The following ATP10B variants were observed in gnomAD, a reference collection of about 807,000 sequenced individuals.
ATP10B encodes the protein phospholipid-transporting ATPase VB.
Under a neutral mutation model 141.2 loss-of-function variants are expected in ATP10B, and 122 were observed. That is an observed-to-expected ratio of 0.86 (90% CI 0.75 to 1.00). The LOEUF is 1.00. Ranked by LOEUF, ATP10B falls within the 50% of genes least tolerant of loss-of-function variation. ATP10B has a pLI of 0.00. For missense variants in ATP10B, 1,876 were observed against 1,825.3 expected (o/e 1.03, Z -0.51); for synonymous variants, 685 against 692.0 (o/e 0.99, Z 0.16).
the ATP10B span, among the ~76,000 whole-genome samples, chr5:160,879,468 A>C: frequency 7.0e-6 from 1 of 142,234 alleles, no homozygotes; most frequent in African/African-American, 2.6e-5. Context: ...GCGCACCAGC[A>C]TGGCACATGT....
intron 25 of ATP10B, among the ~76,000 whole-genome samples, chr5:160,567,431 C>G (rs1187147967): frequency 2.0e-5 from 3 of 152,132 alleles, no homozygotes; most frequent in African/African-American, 7.2e-5. Context: ...CCATTTATAA[C>G]TATAGTCACA....
chr5:160,752,497 C>A (rs1282845736), intron 2 of ATP10B, among the ~76,000 whole-genome samples: 1 of 152,172 alleles, frequency 6.6e-6, no homozygotes, highest in African/African-American at 2.4e-5. Flanking sequence ...GCCTTATTAT[C>A]TGACTTCGAA....
upstream of ATP10B, among the ~76,000 whole-genome samples, chr5:160,853,642 T>C (rs1753907997): frequency 6.6e-6 from 1 of 152,166 alleles, no homozygotes; most frequent in Admixed American, 6.6e-5. Flanking sequence ...TGCTAACCAA[T>C]GAATAGAGAG....
chr5:160,697,597 AGGGTG>A (rs1390994765), intron 3 of ATP10B, among the ~76,000 whole-genome samples: 2 of 111,832 alleles, frequency 1.8e-5, no homozygotes, highest in Non-Finnish European at 3.5e-5. Context: ...AAATGTATGC[AGGGTG>A]GGGTGGGGTG....
chr5:160,895,691 A>G, the ATP10B span, among the ~76,000 whole-genome samples: 2 of 152,330 alleles, frequency 1.3e-5, no homozygotes, highest in South Asian at 4.1e-4. Context: ...CTCTGCACCA[A>G]GTGGACCTAA....
chr5:160,911,906 C>A, the ATP10B span, among the ~76,000 whole-genome samples: 1 of 152,136 alleles, frequency 6.6e-6, no homozygotes, highest in South Asian at 2.1e-4. Context: ...AGACCGGTGT[C>A]TGGCAAATAG....
the ATP10B span, among the ~76,000 whole-genome samples, chr5:160,886,104 A>G: frequency 2.0e-5 from 3 of 152,238 alleles, no homozygotes; most frequent in Admixed American, 1.3e-4. Context: ...ACTTTTAGCC[A>G]TCGGGGGAAT....
At chr5:160,590,803 T>A (rs1179404001) in intron 23 of ATP10B, among the ~76,000 whole-genome samples, 1 of 152,158 alleles carries the variant, frequency 6.6e-6, no homozygotes, top group Non-Finnish European at 1.5e-5. Context: ...CAAAGTCAAG[T>A]CCAGATTTTT....
intron 7 of ATP10B, among the ~76,000 whole-genome samples, chr5:160,664,826 C>A (rs772533083): frequency 1.3e-5 from 2 of 152,204 alleles, no homozygotes; most frequent in African/African-American, 4.8e-5. Flanking sequence ...GAAACACTAA[C>A]TGGAAGCATT....
chr5:160,831,154 T>C (rs1212385316), intron 1 of ATP10B, among the ~76,000 whole-genome samples: 1 of 152,080 alleles, frequency 6.6e-6, no homozygotes, highest in Non-Finnish European at 1.5e-5. Flanking sequence ...AAGTTCTTTA[T>C]TCATTCAATG....
chr5:160,772,043 C>T (rs1769942248), intron 2 of ATP10B, among the ~76,000 whole-genome samples: 1 of 152,250 alleles, frequency 6.6e-6, no homozygotes, highest in African/African-American at 2.4e-5. Flanking sequence ...ATTTAAGTTG[C>T]TTCCATAACT....
chr5:160,649,695 G>A (rs1760564761), intron 7 of ATP10B, among the ~76,000 whole-genome samples: 1 of 152,218 alleles, frequency 6.6e-6, no homozygotes, highest in Non-Finnish European at 1.5e-5. Context: ...ATAGCTACAT[G>A]TGGCTAGTGG....
chr5:160,888,713 T>TG, the ATP10B span, among the ~76,000 whole-genome samples: 1 of 152,116 alleles, frequency 6.6e-6, no homozygotes, highest in African/African-American at 2.4e-5. Flanking sequence ...CTGATTTTTA[T>TG]GTTTTCCATT....
chr5:160,766,520 C>T (rs911066561), intron 2 of ATP10B, among the ~76,000 whole-genome samples: 1 of 152,036 alleles, frequency 6.6e-6, no homozygotes, highest in African/African-American at 2.4e-5. Flanking sequence ...TATGTTCTCA[C>T]TTATAAGTGG....
intron 1 of ATP10B, among the ~76,000 whole-genome samples, chr5:160,788,439 GT>G (rs1284475876): frequency 6.6e-6 from 1 of 152,180 alleles, no homozygotes; most frequent in East Asian, 1.9e-4. Flanking sequence ...GTGTCTCTTT[GT>G]TTTGTATGAA....
At chr5:160,685,348 AG>A in intron 6 of ATP10B, 2 of 567,836 alleles carry the variant, frequency 3.5e-6, no homozygotes, top group Non-Finnish European at 6.2e-6. Context: ...TGCAAACCCC[AG>A]GGGAGAAACA....
chr5:160,897,078 C>T, the ATP10B span, among the ~76,000 whole-genome samples: 1 of 152,126 alleles, frequency 6.6e-6, no homozygotes, highest in African/African-American at 2.4e-5. Flanking sequence ...AAACCCACAG[C>T]CAATATTATA....
chr5:160,686,413 G>GA, intron 5 of ATP10B, 140 bp from the exon 6 acceptor site: 1 of 592,788 alleles, frequency 1.7e-6, no homozygotes, highest in East Asian at 2.9e-5. Flanking sequence ...TAATGGATTT[G>GA]AAGCCAAACC....
At chr5:160,730,696 T>C (rs1421127838) in intron 2 of ATP10B, among the ~76,000 whole-genome samples, 2 of 152,204 alleles carry the variant, frequency 1.3e-5, no homozygotes, top group Admixed American at 1.3e-4. Flanking sequence ...TTGTATATTC[T>C]AGACACTCTC....
Sources: allele counts gnomAD v4.1 joint callset (sites outside exome capture counted in the v4.1 genomes callset), GRCh38; gene constraint gnomAD v4.1.1; transcripts MANE v1.5; gene names NCBI Gene and HGNC (gene_info 2026-07-23, HGNC 2026-07-21).